Variants in ESPNL observed in about 807,000 individuals in gnomAD.
The protein encoded by ESPNL is espin like.
ESPNL carries 49 observed loss-of-function variants against 46.8 expected under a neutral mutation model. The ratio of observed to expected loss-of-function variants is 1.05; its 90% CI spans 0.83 to 1.33. The LOEUF is 1.33. Ranked by LOEUF, ESPNL falls within the 40% of genes most tolerant of loss-of-function variation. The pLI, the probability that ESPNL is intolerant of heterozygous loss-of-function variation, is 0.00. For missense variants in ESPNL, 1,540 were observed against 1,436.6 expected (o/e 1.07, Z -1.16); for synonymous variants, 664 against 662.1 (o/e 1.00, Z -0.04).
Position 238,116,890 on chromosome 2 carries a change from C to G in ESPNL, c.856-13C>G. On this transcript the variant is annotated splice_polypyrimidine_tract_variant and intron_variant, in intron 4 of 8. Transcript: ENST00000343063. ...TGTCGTGGTGGGTCACATGTGTGCC[C>G]TCCTCACTGCAGTGCTGCCAGACCC... The G allele has an allele frequency of 3.7e-6, 6 of 1,611,640 alleles. No individual in the cohort carries two copies. Among genetic ancestry groups the G allele is most frequent in the Non-Finnish European group, 5.1e-6 (6 of 1,179,270 alleles).
intron 5 of ESPNL, among the ~76,000 whole-genome samples, chr2:238,124,289 C>A (rs1692049633): frequency 6.6e-6 from 1 of 152,218 alleles, no homozygotes; most frequent in African/African-American, 2.4e-5. Context: ...GAGCTTTGGT[C>A]TGACAGGCAC....
intron 3 of ESPNL, among the ~76,000 whole-genome samples, chr2:238,105,512 CAA>C (rs58809990): frequency 0.24 from 23,590 of 97,750 alleles, 2,266 homozygotes; most frequent in South Asian, 0.38. Context: ...GACTCTGTCT[CAA>C]AAAAAAAAAA....
At chr2:238,118,658 GA>G in intron 5 of ESPNL, among the ~76,000 whole-genome samples, 1 of 143,180 alleles carries the variant, frequency 7.0e-6, no homozygotes, top group African/African-American at 2.6e-5. Flanking sequence ...AGAGTGGTTG[GA>G]GGAGGGTGGA....
intron 3 of ESPNL, among the ~76,000 whole-genome samples, chr2:238,106,263 G>T (rs1691596498): frequency 6.7e-6 from 1 of 148,526 alleles, no homozygotes; most frequent in East Asian, 1.9e-4. Flanking sequence ...GGAACAGGGG[G>T]CCTGGTCCCT....
At position 238,104,755 on chromosome 2, in the gene ESPNL, C is replaced by A. The variant is rs542298602; in HGVS notation, c.585C>A (p.Gly195=). The A allele has an allele frequency of 6.2e-7, 1 of 1,606,164 alleles. No homozygotes were observed. Among genetic ancestry groups the A allele is most frequent in the Non-Finnish European group, 8.5e-7 (1 of 1,177,772 alleles). ...HLAQFLVKDC[G]ADVHLRALDG... ...CCCAGTTCCTGGTGAAGGACTGTGG[C>A]GCTGACGTGCACCTTCGTGCTCTCG... The change falls in exon 3 of 9, where the codon GGC becomes GGA. Residue 195 remains glycine, a synonymous_variant. Transcript: ENST00000343063.
Position 238,104,732 on chromosome 2 carries a change from C to T in ESPNL, c.562C>T (p.Gln188Ter). 6.2e-7 allele frequency: 1 copy of T among 1,608,698 alleles called. No individual in the cohort carries two copies. Among genetic ancestry groups the T allele is most frequent in the Non-Finnish European group, 8.5e-7 (1 of 1,178,706 alleles). ...ACQEGHLHLA[Q>*]FLVKDCGADV... ...CCAGGAGGGCCACCTGCACCTGGCC[C>T]AGTTCCTGGTGAAGGACTGTGGCGC... The change falls in exon 3 of 9, where the codon CAG (glutamine) becomes TAG (stop). Residue 188 changes from glutamine to a stop codon, truncating the protein, a stop_gained. Transcript: ENST00000343063. LOFTEE classifies it high-confidence loss of function.
In ESPNL at chr2:238,130,400, G is replaced by A. The variant is rs201297433; in HGVS notation, c.1686G>A (p.Glu562=). 6.2e-6 allele frequency: 10 copies of A among 1,610,824 alleles called. No homozygotes were observed. Among genetic ancestry groups the A allele is most frequent in the South Asian group, 1.1e-5 (1 of 90,700 alleles). Residue 562 remains glutamate (E), a synonymous_variant, in exon 9 of 9, where the codon GAG becomes GAA. Transcript: ENST00000343063. ...TCCTGCCCCGGGCGCCCGGACTGGA[G>A]GTTGAGGAGGCCTCAATCCCAGCGG... is the stretch of plus-strand genomic sequence containing the variant. ...SHFLPRAPGL[E]VEEASIPAAE...
At chr2:238,117,060 C>T (rs567819186) in intron 5 of ESPNL, 26 bp downstream of exon 5, 30 of 1,593,154 alleles carry the variant, frequency 1.9e-5, no homozygotes, top group Admixed American at 3.5e-5. Flanking sequence ...CCCAGCTGCC[C>T]TGGAGGCATG....
At position 238,130,586 on chromosome 2, in the gene ESPNL, C is replaced by T; in HGVS notation, c.1872C>T (p.Pro624=). 7 of 1,572,738 alleles carry T rather than the reference C, an allele frequency of 4.5e-6. No individual in the cohort carries two copies. The highest frequency in any genetic ancestry group is 6.0e-6 in the Non-Finnish European group (7 of 1,159,270). The change falls in exon 9 of 9, where the codon CCC becomes CCT. Residue 624 remains proline, a synonymous_variant. Transcript: ENST00000343063. ...GGGATGAGAAGCCATCCACCCGGCC[C>T]CTGCAGGACACCTGCAGGGAGGCCT... ...VQGDEKPSTR[P]LQDTCREASA...
chr2:238,123,602 C>T (rs536304640), intron 5 of ESPNL, among the ~76,000 whole-genome samples: 16 of 152,302 alleles, frequency 1.1e-4, no homozygotes, highest in African/African-American at 2.6e-4. Flanking sequence ...GGCCCAAGCC[C>T]GCCTGGCCAC....
chr2:238,124,841 A>G (rs1574741893), intron 5 of ESPNL, among the ~76,000 whole-genome samples: 2 of 147,922 alleles, frequency 1.4e-5, no homozygotes, highest in African/African-American at 2.5e-5. Flanking sequence ...GAGTACATGC[A>G]TGTGTGTGCA....
intron 6 of ESPNL, among the ~76,000 whole-genome samples, chr2:238,126,245 G>A (rs988732314): frequency 1.5e-5 from 2 of 136,290 alleles, no homozygotes; most frequent in African/African-American, 5.8e-5. Flanking sequence ...GTATGTATGT[G>A]TATGGTGATT....
intron 6 of ESPNL, chr2:238,127,399 C>T: frequency 7.5e-7 from 1 of 1,324,852 alleles, no homozygotes; most frequent in Admixed American, 3.8e-5. Flanking sequence ...AGCGGTGTGC[C>T]GCAGGCTCTC....
chr2:238,126,625 GTGTCTGTTCTGTGTTTC>G (rs1692126449), intron 6 of ESPNL, among the ~76,000 whole-genome samples: 1 of 149,272 alleles, frequency 6.7e-6, no homozygotes, highest in Admixed American at 6.6e-5. Context: ...CCGTGTCTGT[GTGTCTGTTCTGTGTTTC>G]TGTGTGATTG....
intron 2 of ESPNL, among the ~76,000 whole-genome samples, chr2:238,103,710 C>A (rs1691535598): frequency 6.6e-6 from 1 of 152,208 alleles, no homozygotes; most frequent in South Asian, 2.1e-4. Flanking sequence ...AAGCACGGAT[C>A]CTCCCCTGAG....
At chr2:238,102,258 G>T (rs1288270012) in intron 2 of ESPNL, 127 bp downstream of exon 2, 5 of 829,438 alleles carry the variant, frequency 6.0e-6, no homozygotes, top group Non-Finnish European at 9.2e-6. Context: ...CGGGCATGCT[G>T]TCACTGTGGG....
Position 238,131,676 on chromosome 2 carries a change from C to A in ESPNL, c.2962C>A (p.Arg988Ser), listed in dbSNP as rs367575891. 1.9e-6 allele frequency: 3 copies of A among 1,599,900 alleles called. No individual in the cohort carries two copies. Among genetic ancestry groups the A allele is most frequent in the Non-Finnish European group, 1.7e-6 (2 of 1,169,376 alleles). The change falls in exon 9 of 9, where the codon CGC becomes AGC. Residue 988 changes from arginine to serine, a missense_variant. Coordinates refer to ENST00000343063, the MANE Select transcript of ESPNL (RefSeq NM_194312.4). ...TGAGGACATCTGCGGCTACATCAAC[C>A]GCAGCTTTGCCTTCTGGAAGGAGAA... Reference protein sequence around the residue: ...NGEDICGYINRSFAFWKEKEA... With the variant: ...NGEDICGYINSSFAFWKEKEA...
At chr2:238,103,922 T>G (rs1394594873) in intron 2 of ESPNL, among the ~76,000 whole-genome samples, 2 of 152,084 alleles carry the variant, frequency 1.3e-5, no homozygotes, top group Non-Finnish European at 2.9e-5. Context: ...GGAGGGGAAT[T>G]CAAACCCAGG....
intron 4 of ESPNL, 87 bp downstream of exon 4, chr2:238,108,060 G>A: frequency 7.9e-7 from 1 of 1,268,694 alleles, no homozygotes; most frequent in Non-Finnish European, 1.1e-6. Context: ...CAGCAACCCT[G>A]TAAGAGTGAT....
Sources: allele counts gnomAD v4.1 joint callset (sites outside exome capture counted in the v4.1 genomes callset), GRCh38; gene constraint gnomAD v4.1.1; transcripts MANE v1.5; gene names NCBI Gene and HGNC (gene_info 2026-07-23, HGNC 2026-07-21).